HDAC9: variants seen among roughly 807,000 people sequenced by gnomAD.
The protein encoded by HDAC9 is MEF-2 interacting transcription repressor (MITR) protein.
A neutral mutation model predicts 139.4 loss-of-function variants in HDAC9; 41 were observed. That is an observed-to-expected ratio of 0.29 (90% CI 0.23 to 0.38). HDAC9 has a LOEUF of 0.38. HDAC9 is among the 10% of genes least tolerant of loss of function. The pLI is 1.00. For synonymous variants in HDAC9, 517 were observed against 476.2 expected (o/e 1.09, Z -1.12); for missense variants, 1,147 against 1,297.0 (o/e 0.88, Z 1.78).
intron 1 of HDAC9, among the ~76,000 whole-genome samples, chr7:18,310,848 A>ACACT (rs1240340334): frequency 5.7e-4 from 79 of 137,726 alleles, no homozygotes; most frequent in East Asian, 5.1e-3. Context: ...ACACACACAC[A>ACACT]CTCTCTTACT....
At chr7:18,399,812 G>A (rs1787374145) in intron 1 of HDAC9, among the ~76,000 whole-genome samples, 2 of 152,210 alleles carry the variant, frequency 1.3e-5, no homozygotes, top group African/African-American at 4.8e-5. Context: ...AGAAGCTGGA[G>A]CAGGGCTGCA....
intron 2 of HDAC9, among the ~76,000 whole-genome samples, chr7:18,225,369 C>A (rs1376801187): frequency 6.6e-6 from 1 of 152,138 alleles, no homozygotes; most frequent in Non-Finnish European, 1.5e-5. Flanking sequence ...CAAAAGACTT[C>A]TGCTTATTGC....
chr7:18,438,062 T>A (rs1349731810), intron 1 of HDAC9, among the ~76,000 whole-genome samples: 2 of 150,642 alleles, frequency 1.3e-5, no homozygotes, highest in African/African-American at 2.4e-5. Context: ...TAAAGTGGTA[T>A]ATATATAAAG....
intron 21 of HDAC9, among the ~76,000 whole-genome samples, chr7:18,846,936 G>A (rs1796947903): frequency 6.6e-6 from 1 of 152,114 alleles, no homozygotes; most frequent in East Asian, 1.9e-4. Context: ...GTTTGAGCTT[G>A]GATTTGAAAA....
At chr7:18,701,403 A>AC (rs1783466407) in intron 12 of HDAC9, among the ~76,000 whole-genome samples, 1 of 125,730 alleles carries the variant, frequency 8.0e-6, no homozygotes, top group African/African-American at 4.2e-5. Context: ...GATTTAAAAA[A>AC]AAACAAAACA....
intron 17 of HDAC9, among the ~76,000 whole-genome samples, chr7:18,828,760 CT>C: frequency 6.6e-6 from 1 of 152,300 alleles, no homozygotes; most frequent in Middle Eastern, 3.4e-3. Flanking sequence ...TGGATCTTCT[CT>C]GGTCTTTCCA....
chr7:18,349,500 T>C (rs1782689459), intron 1 of HDAC9, among the ~76,000 whole-genome samples: 1 of 152,168 alleles, frequency 6.6e-6, no homozygotes, highest in Non-Finnish European at 1.5e-5. Context: ...GGTAGCTTAA[T>C]GTTATCTGCT....
intron 1 of HDAC9, among the ~76,000 whole-genome samples, chr7:18,365,662 A>C (rs1402264088): frequency 6.6e-6 from 1 of 152,058 alleles, no homozygotes; most frequent in Non-Finnish European, 1.5e-5. Flanking sequence ...TAAAAAAGCA[A>C]ATAAAGCCTA....
At chr7:18,992,334 C>CTAGA (rs1236861247) in intron 25 of HDAC9, among the ~76,000 whole-genome samples, 1 of 151,936 alleles carries the variant, frequency 6.6e-6, no homozygotes. Flanking sequence ...CAGCTTCAAA[C>CTAGA]TAGATAAATA....
chr7:18,644,684 A>G lies in HDAC9; in HGVS notation c.926A>G (p.Gln309Arg). ...PTPHAEQMVS[Q>R]QRILIHEDSM... Reference sequence around the variant, plus strand: ...TTTTTTTAACAGCAAATGGTTTCACAGCAACGCATTCTAATTCATGAAGAT... The same window carrying G: ...TTTTTTTAACAGCAAATGGTTTCACGGCAACGCATTCTAATTCATGAAGAT... The change falls in exon 9 of 26, where the codon CAG (glutamine) becomes CGG (arginine). Residue 309 changes from glutamine to arginine, a missense_variant. By Grantham distance (43) the Gln-to-Arg change is conservative (BLOSUM62 1). This residue lies in a region of HDAC9 where 264 missense variants were observed against 273.8 expected (regional missense o/e 0.96). Coordinates refer to ENST00000686413, the MANE Select transcript of HDAC9 (RefSeq NM_178425.4). 6.2e-7 allele frequency: 1 copy of G among 1,611,068 alleles called. No homozygotes were observed. Among genetic ancestry groups the G allele is most frequent in the Non-Finnish European group, 8.5e-7 (1 of 1,178,456 alleles).
rs115363397 is a variant in HDAC9, at chr7:18,466,931, C to T, written c.-41-29331C>T. Among the ~76,000 whole-genome samples, 1,196 of 152,226 alleles carry T rather than the reference C, an allele frequency of 7.9e-3. 17 individuals are homozygous for T. The highest frequency in any genetic ancestry group is 0.027 in the African/African-American group (1,133 of 41,530). On this transcript the variant is annotated intron_variant, in intron 1 of 3. Transcript: ENST00000413509. ...TATTTCTACCATTTATAATTTCCCT[C>T]CCTCTTTTATAAAATATCTATTCAT...
chr7:18,579,979 G>A (rs1827273727), intron 2 of HDAC9, among the ~76,000 whole-genome samples: 1 of 152,174 alleles, frequency 6.6e-6, no homozygotes, highest in Non-Finnish European at 1.5e-5. Flanking sequence ...AGCTGATAAA[G>A]TAGCAACGAA....
At chr7:18,384,146 AC>A (rs143357370) in intron 1 of HDAC9, among the ~76,000 whole-genome samples, 4,157 of 152,102 alleles carry the variant, frequency 0.027, 198 homozygotes, top group African/African-American at 0.095. Context: ...TCTCATCTCT[AC>A]AAAGAATAAA....
rs1048307130 is a variant in HDAC9, at chr7:18,689,821, G to A, written c.1731+23345G>A. 2.6e-5 allele frequency among the ~76,000 whole-genome samples: 4 copies of A among 152,028 alleles called. No individual in the cohort carries two copies. The East Asian group carries it at 5.8e-4, about 22-fold the overall frequency. ...GGTTGGCTTAAAATAAGCATTTTTG[G>A]TGTACTTGTCAACTGTATCTAGGGA... is the stretch of plus-strand genomic sequence containing the variant. On this transcript the variant is annotated intron_variant, in intron 12 of 25. Transcript: ENST00000686413.
chr7:18,156,589 T>C (rs1445560924), intron 1 of HDAC9, among the ~76,000 whole-genome samples: 4 of 152,226 alleles, frequency 2.6e-5, no homozygotes, highest in Admixed American at 2.6e-4. Flanking sequence ...GTACCTGCCA[T>C]GTATCAGGTA....
At chr7:18,521,200 A>T (rs1003185295) in intron 2 of HDAC9, among the ~76,000 whole-genome samples, 56 of 152,342 alleles carry the variant, frequency 3.7e-4, no homozygotes, top group Non-Finnish European at 1.3e-4. Context: ...TGTCTTTAAA[A>T]TTACATTCTG....
Position 18,768,744 on chromosome 7 carries a change from C to A in HDAC9, c.2214+1589C>A, listed in dbSNP as rs191647792. Among the ~76,000 whole-genome samples the A allele has an allele frequency of 6.4e-4, 98 of 152,168 alleles. 1 individual carries two copies. The highest frequency in any genetic ancestry group is 4.7e-4 in the Non-Finnish European group (32 of 68,006). On this transcript the variant is annotated intron_variant, in intron 16 of 25. Transcript: ENST00000686413. ...TATTAAAAGGGTGGCAGTCATCAAA[C>A]CCCACTCTTTAGAAATATAGATGAT...
chr7:18,376,252 A>T (rs1445785742), intron 1 of HDAC9, among the ~76,000 whole-genome samples: 1 of 152,244 alleles, frequency 6.6e-6, no homozygotes, highest in African/African-American at 2.4e-5. Flanking sequence ...AATTAAAAAA[A>T]TTATCAAAAT....
At chr7:18,926,626 A>C (rs769916798) in intron 22 of HDAC9, among the ~76,000 whole-genome samples, 12 of 151,408 alleles carry the variant, frequency 7.9e-5, no homozygotes, top group Non-Finnish European at 1.6e-4. Context: ...TCGTAGATGG[A>C]TGGAGGGATG....
Sources: gnomAD v4.1 joint callset for allele counts (sites outside exome capture counted in the v4.1 genomes callset) on GRCh38, gnomAD v4.1.1 for gene constraint, gnomAD v4.1.1 regional missense constraint, MANE v1.5 for transcripts, NCBI Gene and HGNC (gene_info 2026-07-23, HGNC 2026-07-21) for gene names.